The following SH2B1 variants were observed in gnomAD, a reference collection of about 807,000 sequenced individuals.
The protein encoded by SH2B1 is SH2B adaptor protein 1.
Under a neutral mutation model 62.6 loss-of-function variants are expected in SH2B1, and 15 were observed. The ratio of observed to expected loss-of-function variants is 0.24; its 90% CI spans 0.16 to 0.37. The LOEUF (loss-of-function observed/expected upper bound fraction) is 0.37, where lower values mean the gene tolerates loss of function less well. Among genes scored for constraint, SH2B1 ranks in the 10% least tolerant of loss-of-function variants. The pLI is 1.00. For synonymous variants in SH2B1, 443 were observed against 438.0 expected, an observed-to-expected ratio of 1.01 and a Z score of -0.14; for missense variants, 925 against 1,015.6, an observed-to-expected ratio of 0.91 and a Z score of 1.21.
intron 1 of SH2B1, among the ~76,000 whole-genome samples, chr16:28,854,616 C>T (rs1962280425): frequency 6.6e-6 from 1 of 152,056 alleles, no homozygotes; most frequent in South Asian, 2.1e-4. Flanking sequence ...ATTAGCTGGG[C>T]ATGGTAGTGC....
In SH2B1 at chr16:28,864,670, C is replaced by G. The variant is rs1962588416; in HGVS notation, c.-1425C>G. The G allele has an allele frequency of 2.3e-5, 23 of 985,174 alleles. No individual in the cohort carries two copies. The highest frequency in any genetic ancestry group is 2.5e-5 in the Non-Finnish European group (21 of 829,856). 61.0% of individuals were successfully genotyped at this position (985,174 alleles called of 1,614,324 possible). A position where few individuals can be genotyped will look rare whatever the true frequency, so the allele number is the denominator to read the frequency against. On this transcript the variant is annotated 5_prime_UTR_variant, in exon 1 of 8. Coordinates refer to ENST00000684370, the MANE Select transcript of SH2B1 (RefSeq NM_001387430.1). ...TCTGGCCCCAGTCCTGGGGCTGTCA[C>G]CTTCCAGTATTGCGTGGCGGGAGGA...
At position 28,864,688 on chromosome 16, in the gene SH2B1, C is replaced by T. The variant is rs1596620250; in HGVS notation, c.-1407C>T. On this transcript the variant is annotated 5_prime_UTR_variant, in exon 1 of 8. Transcript: ENST00000684370. ...GCTGTCACCTTCCAGTATTGCGTGGCGGGAGGAGCGCTAACAAGAGCCAAG... is the reference window on the plus strand; with the variant it reads ...GCTGTCACCTTCCAGTATTGCGTGGTGGGAGGAGCGCTAACAAGAGCCAAG... 2 of 984,208 alleles carry T rather than the reference C, an allele frequency of 2.0e-6. No homozygotes were observed. Among genetic ancestry groups the T allele is most frequent in the Non-Finnish European group, 2.4e-6 (2 of 828,994 alleles). The allele number at this position is 984,208 out of a possible 1,614,324, so 61.0% of individuals were successfully genotyped here. A position where few individuals can be genotyped will look rare whatever the true frequency, so the allele number is the denominator to read the frequency against.
At chr16:28,870,993 C>T (rs1484792146) in intron 4 of SH2B1, among the ~76,000 whole-genome samples, 1 of 126,830 alleles carries the variant, frequency 7.9e-6, no homozygotes, top group East Asian at 2.5e-4. Flanking sequence ...AGCCAGAATT[C>T]CGTGTGTGTG....
At position 28,852,407 on chromosome 16, in the gene SH2B1, CAT is replaced by C. The variant is rs1491451384; in HGVS notation, c.-301+5587_-301+5588del. On this transcript the variant is annotated intron_variant, in intron 1 of 10. Transcript: ENST00000322610. ...ATTTATATATATACATATATATTTA[CAT>C]ATATATTTATATATTTACATATATA... is the stretch of plus-strand genomic sequence containing the variant. Among the ~76,000 whole-genome samples the C allele has an allele frequency of 2.1e-4, 3 of 14,526 alleles. 1 individual carries two copies. Among genetic ancestry groups the C allele is most frequent in the African/African-American group, 1.2e-3 (3 of 2,486 alleles). 9.5% of individuals were successfully genotyped at this position (14,526 alleles called of 152,430 possible). A position where few individuals can be genotyped will look rare whatever the true frequency, so the allele number is the denominator to read the frequency against.
At position 28,872,417 on chromosome 16, in the gene SH2B1, G is replaced by A; in HGVS notation, c.1725+16G>A. ...CAAGGCCAAGGTGAGCCACCCTGTG[G>A]GAAAGGCTCTGTTCTGTGCATAGTT... On this transcript the variant is annotated intron_variant, in intron 6 of 7. Transcript: ENST00000684370. This position sits in a 1 kb window ranked among gnomAD's most constrained non-coding sequence, Gnocchi z 5.3. The A allele has an allele frequency of 1.9e-6, 3 of 1,590,414 alleles. No individual in the cohort carries two copies. Among genetic ancestry groups the A allele is most frequent in the Non-Finnish European group, 2.6e-6 (3 of 1,166,838 alleles).
In SH2B1 at chr16:28,852,362, A is replaced by T. The variant is rs1354243431; in HGVS notation, c.-301+5535A>T. Among the ~76,000 whole-genome samples the T allele has an allele frequency of 2.3e-5, 2 of 88,020 alleles. 1 individual carries two copies. The highest frequency in any genetic ancestry group is 1.1e-4 in the African/African-American group (2 of 18,844). The allele number at this position is 88,020 out of a possible 152,430, so 57.7% of individuals were successfully genotyped here. A position where few individuals can be genotyped will look rare whatever the true frequency, so the allele number is the denominator to read the frequency against. The stretch of plus-strand genomic sequence containing the variant: ...TATTTACATATATATTTATATATAT[A>T]TTTATATATATTTACATATATTTAT... On this transcript the variant is annotated intron_variant, in intron 1 of 10. Coordinates refer to the SH2B1 transcript ENST00000322610.
At chr16:28,863,745 G>A (rs767904646), upstream of SH2B1, 8 of 1,535,580 alleles carry the variant, frequency 5.2e-6, no homozygotes, top group African/African-American at 1.4e-5. Flanking sequence ...CGAGTGGGAG[G>A]ATGGCGGAAG....
At chr16:28,856,317 ACT>A (rs1962324775) in intron 1 of SH2B1, among the ~76,000 whole-genome samples, 1 of 151,366 alleles carries the variant, frequency 6.6e-6, no homozygotes, top group African/African-American at 2.4e-5. Flanking sequence ...AGTGCCTAAT[ACT>A]TAAGTGAATC....
At position 28,865,119 on chromosome 16, in the gene SH2B1, A is replaced by T. The variant is rs1350492138; in HGVS notation, c.-976A>T. On this transcript the variant is annotated 5_prime_UTR_variant, in exon 1 of 8. In the 5' UTR this introduces an upstream ATG that the reference lacks. Coordinates refer to ENST00000684370, the MANE Select transcript of SH2B1 (RefSeq NM_001387430.1). ...TTAGGGCATACTCCCCAGTGGGAGA[A>T]GAGGAAGGTGAAAAATCCTAGGGCC... is the stretch of plus-strand genomic sequence containing the variant. The T allele has an allele frequency of 2.4e-5, 24 of 985,502 alleles. No homozygotes were observed. Among genetic ancestry groups the T allele is most frequent in the Non-Finnish European group, 2.8e-5 (23 of 829,976 alleles). 61.0% of individuals were successfully genotyped at this position (985,502 alleles called of 1,614,324 possible).
At position 28,866,450 on chromosome 16, in the gene SH2B1, T is replaced by A. The variant is rs1156886952; in HGVS notation, c.356T>A (p.Val119Glu). ...TGCAGGGTGGGTGGGCCCCTGGCTG[T>A]GCTGGGCCCTTCTCGATCATCTGAG... Reference protein sequence around the residue: ...ESCRVGGPLAVLGPSRSSEDL... With the variant: ...ESCRVGGPLAELGPSRSSEDL... The change falls in exon 1 of 8, where the codon GTG (valine) becomes GAG (glutamate). Residue 119 changes from valine to glutamate, a missense_variant. By Grantham distance (121) the Val-to-Glu change is moderately radical. Transcript: ENST00000684370. The surrounding 1 kb of genome is among the most constrained non-coding windows in gnomAD (Gnocchi z 6.3). The A allele has an allele frequency of 1.2e-6, 2 of 1,613,898 alleles. No homozygotes were observed. The highest frequency in any genetic ancestry group is 2.2e-5 in the South Asian group (2 of 91,078).
At position 28,872,690 on chromosome 16, in the gene SH2B1, T is replaced by C; in HGVS notation, c.1882T>C (p.Ser628Pro). The change falls in exon 7 of 8, where the codon TCC becomes CCC. Residue 628 changes from serine to proline, a missense_variant. By Grantham distance (74) the Ser-to-Pro change is moderately conservative. Around this residue, in one of 3 missense-constraint regions of SH2B1, gnomAD observed 185 missense variants for 189.5 expected, o/e 0.98. Coordinates refer to ENST00000684370, the MANE Select transcript of SH2B1 (RefSeq NM_001387430.1). The surrounding 1 kb of genome is among the most constrained non-coding windows in gnomAD (Gnocchi z 5.3). ...TGTCCTTGTCAGCTATGTCCCATCCTCCCAGCGACAGCAGGGTGAGCAGAG... is the reference window on the plus strand; with the variant it reads ...TGTCCTTGTCAGCTATGTCCCATCCCCCCAGCGACAGCAGGGTGAGCAGAG... ...DVVLVSYVPS[S>P]QRQQEPTTSH... is the part of the protein sequence containing the mutation. The C allele has an allele frequency of 6.2e-7, 1 of 1,614,028 alleles. No individual in the cohort carries two copies.
chr16:28,853,124 TTATG>T (rs1442243594), intron 1 of SH2B1, among the ~76,000 whole-genome samples: 1 of 127,472 alleles, frequency 7.8e-6, no homozygotes, highest in Non-Finnish European at 1.6e-5. Context: ...TTATATATAT[TTATG>T]TATACATTTA....
chr16:28,863,955 G>A lies in SH2B1; in HGVS notation c.-2140G>A. 1 of 1,450,982 alleles carries A rather than the reference G, an allele frequency of 6.9e-7. No individual in the cohort carries two copies. Among genetic ancestry groups the A allele is most frequent in the Non-Finnish European group, 9.0e-7 (1 of 1,108,998 alleles). 89.9% of individuals were successfully genotyped at this position (1,450,982 alleles called of 1,614,324 possible). On this transcript the variant is annotated 5_prime_UTR_variant, in exon 1 of 8. Transcript: ENST00000684370. ...GGGGACCGAGATGCAGGTGGGACCG[G>A]AACCGGAACCCCCCTCTTCAAGTAC...
At chr16:28,857,189 A>G (rs1429096330) in intron 1 of SH2B1, among the ~76,000 whole-genome samples, 4 of 151,946 alleles carry the variant, frequency 2.6e-5, no homozygotes, top group African/African-American at 9.7e-5. Context: ...AGGCTAAGGC[A>G]GGAGGATTGC....
At chr16:28,859,551 A>T (rs752937263), upstream of SH2B1, among the ~76,000 whole-genome samples, 11 of 152,006 alleles carry the variant, frequency 7.2e-5, no homozygotes, top group Non-Finnish European at 7.4e-5. Flanking sequence ...CTGAGAATGA[A>T]GACAGTCCAG....
rs1962630952 is a variant in SH2B1 at position 28,865,426 on chromosome 16, C to G, written c.-669C>G. The G allele has an allele frequency of 1.0e-6, 1 of 985,520 alleles. No individual in the cohort carries two copies. The highest frequency in any genetic ancestry group is 1.2e-6 in the Non-Finnish European group (1 of 829,982). The allele number at this position is 985,520 out of a possible 1,614,324, so 61.0% of individuals were successfully genotyped here. A position where few individuals can be genotyped will look rare whatever the true frequency, so the allele number is the denominator to read the frequency against. ...GACCCTAAGATGCGTGAGGCAGGCT[C>G]TCTAAGGTCTAGAATCCCAGCTCCT... On this transcript the variant is annotated 5_prime_UTR_variant, in exon 1 of 8. Coordinates refer to ENST00000684370, the MANE Select transcript of SH2B1 (RefSeq NM_001387430.1).
At chr16:28,853,472 A>G (rs150943230) in intron 1 of SH2B1, among the ~76,000 whole-genome samples, 1,837 of 148,126 alleles carry the variant, frequency 0.012, 18 homozygotes, top group Non-Finnish European at 0.02. Context: ...CAAAGTGCTG[A>G]GATTACAGGC....
chr16:28,872,801 C>G lies in SH2B1; in HGVS notation c.1897+96C>G, dbSNP rs1963115215. 1 of 1,487,746 alleles carries G rather than the reference C, an allele frequency of 6.7e-7. No individual in the cohort carries two copies. Among genetic ancestry groups the G allele is most frequent in the Non-Finnish European group, 9.2e-7 (1 of 1,083,162 alleles). The allele number at this position is 1,487,746 out of a possible 1,614,324, so 92.2% of individuals were successfully genotyped here. On this transcript the variant is annotated intron_variant, in intron 7 of 7. Transcript: ENST00000684370. The surrounding 1 kb of genome is among the most constrained non-coding windows in gnomAD (Gnocchi z 5.3). ...ATGGGGCGGGGAGGGGGGACTATCA[C>G]AAGGAGAAGCTTTGCTTGGGAGAGC...
intron 1 of SH2B1, among the ~76,000 whole-genome samples, chr16:28,857,293 A>G (rs1189784202): frequency 6.6e-6 from 1 of 151,316 alleles, no homozygotes; most frequent in Non-Finnish European, 1.5e-5. Context: ...AAAAAAAAAA[A>G]AAGATAGTTG....
Sources: allele counts gnomAD v4.1 joint callset (sites outside exome capture counted in the v4.1 genomes callset), GRCh38; gene constraint gnomAD v4.1.1; regional missense constraint gnomAD v4.1.1; non-coding constraint Gnocchi (gnomAD v3.1); transcripts MANE v1.5; gene names NCBI Gene and HGNC (gene_info 2026-07-23, HGNC 2026-07-21).